Variants in ANXA6 observed in about 807,000 individuals in gnomAD.
ANXA6 encodes annexin A6, also known as 67 kDa calelectrin.
In ANXA6, 71 loss-of-function variants were observed where a neutral mutation model predicts 95.4. That is an observed-to-expected ratio of 0.74 (90% CI 0.61 to 0.91). ANXA6 has a LOEUF of 0.91. Among genes scored for constraint, ANXA6 ranks in the 40% least tolerant of loss-of-function variants. The pLI, the probability that ANXA6 is intolerant of heterozygous loss-of-function variation, is 0.00. For missense variants in ANXA6, 830 were observed against 876.4 expected (o/e 0.95, Z 0.67); for synonymous variants, 289 against 315.9 (o/e 0.91, Z 0.90).
At chr5:151,153,974 G>T (rs1200027767) in intron 1 of ANXA6, among the ~76,000 whole-genome samples, 1 of 152,078 alleles carries the variant, frequency 6.6e-6, no homozygotes, top group Non-Finnish European at 1.5e-5. Context: ...CCTATGGATG[G>T]TTGGGGGTAA....
chr5:151,147,706 T>C (rs1766006334), intron 2 of ANXA6, among the ~76,000 whole-genome samples, 178 bp downstream of exon 2: 2 of 152,218 alleles, frequency 1.3e-5, no homozygotes, highest in South Asian at 4.1e-4. Context: ...TATTACATTA[T>C]GGTGACCTGC....
At chr5:151,153,581 A>G (rs1250993076) in intron 1 of ANXA6, among the ~76,000 whole-genome samples, 1 of 152,222 alleles carries the variant, frequency 6.6e-6, no homozygotes. Context: ...ATTATGGGAA[A>G]GAATCTGTAC....
intron 20 of ANXA6, among the ~76,000 whole-genome samples, chr5:151,112,730 G>A (rs905961851): frequency 6.6e-6 from 1 of 152,120 alleles, no homozygotes; most frequent in East Asian, 1.9e-4. Flanking sequence ...GGGCTGAGGT[G>A]GGAGGATTGC....
intron 8 of ANXA6, among the ~76,000 whole-genome samples, chr5:151,133,767 G>C (rs775535061): frequency 1.9e-4 from 29 of 152,180 alleles, no homozygotes; most frequent in Non-Finnish European, 3.5e-4. Flanking sequence ...TCAAGGCCCA[G>C]ATTAAGTATT....
chr5:151,125,360 A>AAAT (rs1765288840), intron 14 of ANXA6, among the ~76,000 whole-genome samples: 1 of 149,270 alleles, frequency 6.7e-6, no homozygotes, highest in Admixed American at 6.7e-5. Context: ...AAAAAAAAAA[A>AAAT]GGAATGGATG....
intron 16 of ANXA6, 40 bp downstream of exon 16, chr5:151,122,877 G>A (rs904040760): frequency 6.4e-7 from 1 of 1,566,550 alleles, no homozygotes; most frequent in Admixed American, 1.7e-5. Context: ...CAGGCAAGGT[G>A]CATGCATGTT....
intron 15 of ANXA6, among the ~76,000 whole-genome samples, chr5:151,123,328 C>G (rs1765224542): frequency 6.6e-6 from 1 of 152,184 alleles, no homozygotes; most frequent in Non-Finnish European, 1.5e-5. Context: ...AAGTCCCCTT[C>G]CCTTGATGGG....
Position 151,108,499 on chromosome 5 carries a change from T to C in ANXA6, c.1736A>G (p.Lys579Arg). ...CCTGACATCCCCAGACATCTCCTTC[T>C]TGATGGTGTGCTCCACGTCATAGTT... is the stretch of plus-strand genomic sequence containing the variant. ...MTNYDVEHTI[K>R]KEMSGDVRDA... is the part of the protein sequence containing the mutation. The change falls in exon 23 of 26, where the codon AAG (lysine) becomes AGG (arginine). Residue 579 changes from lysine to arginine, a missense_variant. Lys to Arg is a conservative substitution (Grantham distance 26, BLOSUM62 2). Coordinates refer to ENST00000354546, the MANE Select transcript of ANXA6 (RefSeq NM_001155.5). 6.2e-7 allele frequency: 1 copy of C among 1,613,984 alleles called. No individual in the cohort carries two copies. The highest frequency in any genetic ancestry group is 1.6e-4 in the Middle Eastern group (1 of 6,062).
rs1764800062 is a variant in ANXA6, at chr5:151,109,847, C to T, written c.1591-1G>A. 4 of 1,594,616 alleles carry T rather than the reference C, an allele frequency of 2.5e-6. No homozygotes were observed. Among genetic ancestry groups the T allele is most frequent in the Admixed American group, 1.7e-5 (1 of 58,116 alleles). On this transcript the variant is annotated splice_acceptor_variant, in intron 21 of 25. Coordinates refer to ENST00000354546, the MANE Select transcript of ANXA6 (RefSeq NM_001155.5). LOFTEE classifies it high-confidence loss of function. The stretch of plus-strand genomic sequence containing the variant: ...CTCCACTAGGTGTGTCTGCTATTTC[C>T]TGCAGAGCCCCAGTTGGAGCAAGGA...
chr5:151,105,808 C>G (rs1330013155), intron 23 of ANXA6, among the ~76,000 whole-genome samples: 1 of 152,190 alleles, frequency 6.6e-6, no homozygotes, highest in Non-Finnish European at 1.5e-5. Flanking sequence ...TCCAGAGATG[C>G]TGAATCTGAA....
intron 8 of ANXA6, chr5:151,133,451 C>T (rs561928208): frequency 1.2e-4 from 46 of 372,522 alleles, no homozygotes; most frequent in Middle Eastern, 7.2e-4. Context: ...ACCCAGACTC[C>T]GTGGTATAGC....
chr5:151,141,190 C>A (rs2113948049), intron 2 of ANXA6, among the ~76,000 whole-genome samples: 1 of 152,320 alleles, frequency 6.6e-6, no homozygotes, highest in African/African-American at 2.4e-5. Flanking sequence ...TTACATGGCA[C>A]TGAAAAGTGG....
In ANXA6 at chr5:151,101,026, A is replaced by G; in HGVS notation, c.*422T>C. 1 of 463,734 alleles carries G rather than the reference A, an allele frequency of 2.2e-6. No homozygotes were observed. The highest frequency in any genetic ancestry group is 4.3e-6 in the Non-Finnish European group (1 of 232,178). 28.7% of individuals were successfully genotyped at this position (463,734 alleles called of 1,614,324 possible). ...GTCAGTTTGCCCCAGCACATTTACT[A>G]TCCTTCCCACCACCCCGCCCAGCAC... On this transcript the variant is annotated 3_prime_UTR_variant, in exon 26 of 26. Transcript: ENST00000354546.
chr5:151,135,107 C>T (rs544414711), intron 7 of ANXA6, among the ~76,000 whole-genome samples: 4 of 152,286 alleles, frequency 2.6e-5, no homozygotes, highest in Admixed American at 6.5e-5. Context: ...TCAACTCCTT[C>T]TTACGTGGGC....
Position 151,155,932 on chromosome 5 carries a change from C to G in ANXA6, c.-26+1748G>C, listed in dbSNP as rs1766226196. 2.0e-5 allele frequency among the ~76,000 whole-genome samples: 3 copies of G among 152,180 alleles called. 1 individual carries two copies. In the South Asian group the frequency reaches 6.2e-4, roughly 31 times the overall value. Reference sequence around the variant, plus strand: ...TGCTGCAGTGCGGATGTGCCAGTCACTGGCAGCTATCCAGCACTGCAGTCT... The same window carrying G: ...TGCTGCAGTGCGGATGTGCCAGTCAGTGGCAGCTATCCAGCACTGCAGTCT... On this transcript the variant is annotated intron_variant, in intron 1 of 25. Coordinates refer to ENST00000354546, the MANE Select transcript of ANXA6 (RefSeq NM_001155.5).
rs1191076677 is a variant in ANXA6 at position 151,137,554 on chromosome 5, G to A, written c.319-233C>T. On this transcript the variant is annotated intron_variant, in intron 5 of 25. Transcript: ENST00000354546. ...CGAATCGTAGACCTGAATGTTGGAAGTGGGGCCTGGTGGGAGGTGGTTGGA... is the reference window on the plus strand; with the variant it reads ...CGAATCGTAGACCTGAATGTTGGAAATGGGGCCTGGTGGGAGGTGGTTGGA... Among the ~76,000 whole-genome samples, 3 of 152,352 alleles carry A rather than the reference G, an allele frequency of 2.0e-5. No homozygotes were observed. In the East Asian group the frequency reaches 5.8e-4, roughly 29 times the overall value.
chr5:151,131,377 T>C (rs1050343438), intron 10 of ANXA6, 88 bp from the exon 11 acceptor site: 2 of 1,366,746 alleles, frequency 1.5e-6, no homozygotes, highest in Non-Finnish European at 2.1e-6. Flanking sequence ...TTCTATTCCT[T>C]GAGGGCCACC....
chr5:151,142,197 T>A (rs897385521), intron 2 of ANXA6, among the ~76,000 whole-genome samples: 1 of 152,088 alleles, frequency 6.6e-6, no homozygotes, highest in Admixed American at 6.5e-5. Context: ...AAACAAGAGG[T>A]GCCTGGGCAC....
chr5:151,149,782 C>T (rs373950143), intron 1 of ANXA6, among the ~76,000 whole-genome samples: 11 of 152,200 alleles, frequency 7.2e-5, no homozygotes, highest in African/African-American at 2.2e-4. Flanking sequence ...CCAAGCCTGG[C>T]CTGATCTCTT....
Sources: allele counts gnomAD v4.1 joint callset (sites outside exome capture counted in the v4.1 genomes callset), GRCh38; gene constraint gnomAD v4.1.1; transcripts MANE v1.5; gene names NCBI Gene and HGNC (gene_info 2026-07-23, HGNC 2026-07-21).